Variants in ADAMTS6 observed in about 807,000 individuals in gnomAD.
ADAMTS6 encodes A disintegrin and metalloproteinase with thrombospondin motifs 6.
ADAMTS6 carries 23 observed loss-of-function variants against 144.3 expected under a neutral mutation model. The ratio of observed to expected loss-of-function variants is 0.16; its 90% confidence interval spans 0.11 to 0.23. ADAMTS6 has a LOEUF of 0.23. ADAMTS6 is among the 10% of genes least tolerant of loss of function. The pLI is 1.00. For synonymous variants in ADAMTS6, 444 were observed against 457.5 expected (o/e 0.97, Z 0.38); for missense variants, 999 against 1,379.6 (o/e 0.72, Z 4.37).
chr5:65,244,845 C>A (rs1268661982), intron 14 of ADAMTS6, among the ~76,000 whole-genome samples: 3 of 152,086 alleles, frequency 2.0e-5, no homozygotes, highest in Admixed American at 2.0e-4. Context: ...TTAAAATGTA[C>A]AAAAACCTAA....
intron 7 of ADAMTS6, among the ~76,000 whole-genome samples, chr5:65,362,442 G>A (rs751974143): frequency 1.3e-5 from 2 of 152,020 alleles, no homozygotes; most frequent in Non-Finnish European, 2.9e-5. Flanking sequence ...TCATGTTGTC[G>A]TTTTGACCAG....
Position 65,452,910 on chromosome 5 carries a change from T to C in ADAMTS6, c.640A>G (p.Arg214Gly), listed in dbSNP as rs1295007237. 2 of 1,613,342 alleles carry C rather than the reference T, an allele frequency of 1.2e-6. No individual in the cohort carries two copies. The highest frequency in any genetic ancestry group is 1.3e-5 in the African/African-American group (1 of 75,050). Residue 214 changes from arginine to glycine, a missense_variant, in exon 5 of 25, where the codon AGA becomes GGA. Physicochemically the swap from Arg to Gly is moderately radical, Grantham distance 125. Coordinates refer to ENST00000381055, the MANE Select transcript of ADAMTS6 (RefSeq NM_197941.4). Reference protein sequence around the residue: ...HSHCGVSDFTRSGKPWWLNDT... With the variant: ...HSHCGVSDFTGSGKPWWLNDT... ...TTCAGCCACCAAGGTTTGCCACTTCTTGTGAAATCTACAATAAAAGCAGCC... is the reference window on the plus strand; with the variant it reads ...TTCAGCCACCAAGGTTTGCCACTTCCTGTGAAATCTACAATAAAAGCAGCC...
Position 65,234,946 on chromosome 5 carries a change from T to G in ADAMTS6, c.1933+7158A>C, listed in dbSNP as rs74557361. ...CATTCCATCTTAAATAAGAAAGAAA[T>G]AAAGAAATCCTGGGGCACATAATGC... On this transcript the variant is annotated intron_variant, in intron 15 of 24. Transcript: ENST00000381055. Among the ~76,000 whole-genome samples the G allele has an allele frequency of 6.5e-3, 993 of 152,152 alleles. 8 individuals are homozygous for G. The highest frequency in any genetic ancestry group is 0.022 in the African/African-American group (932 of 41,526).
At chr5:65,346,504 A>G (rs1748330152) in intron 7 of ADAMTS6, among the ~76,000 whole-genome samples, 1 of 151,920 alleles carries the variant, frequency 6.6e-6, no homozygotes, top group Admixed American at 6.6e-5. Context: ...CTATATGACA[A>G]ACCCACAGCT....
intron 9 of ADAMTS6, among the ~76,000 whole-genome samples, chr5:65,306,575 A>T (rs1390152211): frequency 6.6e-6 from 1 of 152,226 alleles, no homozygotes; most frequent in African/African-American, 2.4e-5. Flanking sequence ...TGTGCAAAAT[A>T]GATTTTTGGG....
chr5:65,214,994 A>G lies in ADAMTS6; in HGVS notation c.2437-62T>C. 1 of 1,535,386 alleles carries G rather than the reference A, an allele frequency of 6.5e-7. No individual in the cohort carries two copies. On this transcript the variant is annotated intron_variant, in intron 19 of 24. Coordinates refer to ENST00000381055, the MANE Select transcript of ADAMTS6 (RefSeq NM_197941.4). This position sits in a 1 kb window ranked among gnomAD's most constrained non-coding sequence, Gnocchi z 4.6. ...ACAATGAGCCTTCATTCAGATATTT[A>G]TTATTCCTTTTGAAGAAGAAAATGT...
chr5:65,374,368 T>A (rs578224960), intron 7 of ADAMTS6, among the ~76,000 whole-genome samples: 6,462 of 148,748 alleles, frequency 0.043, 506 homozygotes, highest in African/African-American at 0.16. Context: ...CCCCACTGTC[T>A]CAGCCCAAAA....
intron 9 of ADAMTS6, among the ~76,000 whole-genome samples, chr5:65,303,552 T>G (rs1400310589): frequency 6.6e-6 from 1 of 152,040 alleles, no homozygotes; most frequent in Admixed American, 6.6e-5. Context: ...AAGAAAATTT[T>G]CTTTCTGATC....
chr5:65,174,343 G>A (rs538255021), intron 22 of ADAMTS6, among the ~76,000 whole-genome samples: 6 of 152,328 alleles, frequency 3.9e-5, no homozygotes, highest in African/African-American at 9.6e-5. Flanking sequence ...TCGGACGGTC[G>A]AGGCAGCCCC....
At chr5:65,432,191 C>A (rs886479623) in intron 7 of ADAMTS6, among the ~76,000 whole-genome samples, 1 of 151,856 alleles carries the variant, frequency 6.6e-6, no homozygotes, top group African/African-American at 2.4e-5. Flanking sequence ...TAGTAGATAT[C>A]ATCTCAAAAT....
At chr5:65,396,062 A>G (rs1753307550) in intron 7 of ADAMTS6, among the ~76,000 whole-genome samples, 1 of 152,220 alleles carries the variant, frequency 6.6e-6, no homozygotes, top group East Asian at 1.9e-4. Context: ...AAATAAATAC[A>G]TAAAATTAAG....
chr5:65,373,722 A>C (rs990780959), intron 7 of ADAMTS6, among the ~76,000 whole-genome samples: 71 of 152,306 alleles, frequency 4.7e-4, no homozygotes, highest in African/African-American at 4.8e-5. Context: ...TATTCCAATC[A>C]ATAGAAATAG....
intron 20 of ADAMTS6, among the ~76,000 whole-genome samples, chr5:65,206,183 T>A (rs1208575218): frequency 3.3e-5 from 5 of 151,964 alleles, no homozygotes; most frequent in Non-Finnish European, 2.9e-5. Flanking sequence ...AAAAATAACA[T>A]CCCCAAGACA....
At chr5:65,201,786 G>T (rs1190341105) in intron 20 of ADAMTS6, among the ~76,000 whole-genome samples, 2 of 152,148 alleles carry the variant, frequency 1.3e-5, no homozygotes, top group East Asian at 3.8e-4. Flanking sequence ...TAAAAAGTCA[G>T]AGCTTGTACT....
intron 9 of ADAMTS6, among the ~76,000 whole-genome samples, chr5:65,306,039 C>G (rs965411712): frequency 6.6e-6 from 1 of 152,174 alleles, no homozygotes; most frequent in Non-Finnish European, 1.5e-5. Context: ...TCCTTAAGCT[C>G]TGTGTTTCTC....
At chr5:65,470,738 A>C in intron 3 of ADAMTS6, 40 bp downstream of exon 3, 1 of 1,504,004 alleles carries the variant, frequency 6.6e-7, no homozygotes, top group Non-Finnish European at 8.8e-7. Context: ...CAAAATTCTT[A>C]TTTTCCCATC....
intron 7 of ADAMTS6, among the ~76,000 whole-genome samples, chr5:65,427,841 T>C (rs1756673468): frequency 6.6e-6 from 1 of 151,264 alleles, no homozygotes; most frequent in South Asian, 2.1e-4. Flanking sequence ...AAAACAGTAT[T>C]TGAAAAAAAT....
At chr5:65,395,053 A>G (rs1330251649) in intron 7 of ADAMTS6, among the ~76,000 whole-genome samples, 1 of 152,088 alleles carries the variant, frequency 6.6e-6, no homozygotes, top group Admixed American at 6.6e-5. Flanking sequence ...AGCAAGTAGA[A>G]GACTAGACCT....
At chr5:65,445,549 C>G (rs1417347211) in intron 7 of ADAMTS6, among the ~76,000 whole-genome samples, 1 of 152,148 alleles carries the variant, frequency 6.6e-6, no homozygotes, top group Non-Finnish European at 1.5e-5. Flanking sequence ...ACTATGCTGG[C>G]TAGGCTGGTC....
Sources: allele counts gnomAD v4.1 joint callset (sites outside exome capture counted in the v4.1 genomes callset), GRCh38; gene constraint gnomAD v4.1.1; non-coding constraint Gnocchi (gnomAD v3.1); transcripts MANE v1.5; gene names NCBI Gene and HGNC (gene_info 2026-07-23, HGNC 2026-07-21).